Variants in CRBN observed in about 807,000 individuals in gnomAD.
The protein encoded by CRBN is protein cereblon.
Under a neutral mutation model 62.2 loss-of-function variants are expected in CRBN, and 53 were observed. The ratio of observed to expected loss-of-function variants is 0.85; its 90% confidence interval spans 0.68 to 1.07. CRBN has a LOEUF of 1.07. CRBN is among the 50% of genes least tolerant of loss of function. CRBN has a pLI of 0.00. For missense variants in CRBN, 616 were observed against 531.1 expected, an observed-to-expected ratio of 1.16 and a Z score of -1.57; for synonymous variants, 208 against 176.1, an observed-to-expected ratio of 1.18 and a Z score of -1.43.
intron 3 of CRBN, 90 bp downstream of exon 3, chr3:3,173,969 C>T (rs928391562): frequency 8.8e-6 from 10 of 1,137,364 alleles, no homozygotes; most frequent in African/African-American, 4.6e-5. Flanking sequence ...CCTGTACATG[C>T]GAAATAACAG....
At chr3:3,153,024 CTG>C (rs1322563490) in intron 9 of CRBN, 24 of 300,984 alleles carry the variant, frequency 8.0e-5, no homozygotes, top group African/African-American at 4.8e-4. Flanking sequence ...TTTTCAAACA[CTG>C]TTATATCAGA....
intron 8 of CRBN, 126 bp from the exon 9 acceptor site, chr3:3,153,614 C>G (rs1206025756): frequency 1.3e-4 from 91 of 705,572 alleles, no homozygotes; most frequent in Non-Finnish European, 1.0e-4. Context: ...CATTTTCCTT[C>G]CAAGCATTCA....
intron 1 of CRBN, among the ~76,000 whole-genome samples, chr3:3,176,990 G>C (rs964342804): frequency 1.3e-5 from 2 of 152,142 alleles, no homozygotes; most frequent in African/African-American, 4.8e-5. Flanking sequence ...TCAACCACAG[G>C]TGATTTTGCC....
rs1707267099 is a variant in CRBN at position 3,164,838 on chromosome 3, TAA to T, written c.687+2794_687+2795del. Among the ~76,000 whole-genome samples the T allele has an allele frequency of 2.0e-5, 3 of 152,316 alleles. No individual in the cohort carries two copies. In the South Asian group the frequency reaches 6.2e-4, roughly 32 times the overall value. ...ATTTAAACTTTCAAATCTTATTATTTAAGAAATACATTTTTCATAGGCTATAG... is the reference window on the plus strand; with the variant it reads ...ATTTAAACTTTCAAATCTTATTATTTGAAATACATTTTTCATAGGCTATAG... On this transcript the variant is annotated intron_variant, in intron 5 of 10. Transcript: ENST00000231948.
At position 3,156,269 on chromosome 3, in the gene CRBN, A is replaced by G; in HGVS notation, c.700T>C (p.Cys234Arg). 1 of 1,614,058 alleles carries G rather than the reference A, an allele frequency of 6.2e-7. No individual in the cohort carries two copies. The change falls in exon 6 of 11, where the codon TGT becomes CGT. Residue 234 changes from cysteine (C) to arginine (R), a missense_variant. Transcript: ENST00000231948. ...CGAGGCCATGAAGTTAGATTTGCAC[A>G]ATGAAACTTTCTCTGAAAACAAAAC... ...WQKYQKRKFH[C>R]ANLTSWPRWL... is the part of the protein sequence containing the mutation.
chr3:3,179,187 T>A (rs915811493), intron 1 of CRBN, among the ~76,000 whole-genome samples: 2 of 152,286 alleles, frequency 1.3e-5, no homozygotes, highest in South Asian at 2.1e-4. Context: ...AAAGGCGACA[T>A]GCATGCAAAG....
chr3:3,166,994 T>G (rs1707376915), intron 5 of CRBN, among the ~76,000 whole-genome samples: 1 of 152,056 alleles, frequency 6.6e-6, no homozygotes, highest in Non-Finnish European at 1.5e-5. Context: ...AATCTTTTTC[T>G]TTAGGTAGCA....
chr3:3,151,082 T>C, intron 10 of CRBN, 37 bp from the exon 11 acceptor site: 2 of 1,605,194 alleles, frequency 1.2e-6, no homozygotes, highest in Non-Finnish European at 1.7e-6. Context: ...TAAGGAAACA[T>C]TTCTGTACTC....
intron 1 of CRBN, among the ~76,000 whole-genome samples, chr3:3,176,127 G>A (rs1024281169): frequency 6.6e-6 from 1 of 152,148 alleles, no homozygotes; most frequent in Non-Finnish European, 1.5e-5. Context: ...CCCTTGAAGA[G>A]GAAATGTAAG....
chr3:3,165,660 A>G (rs1432027535), intron 5 of CRBN, among the ~76,000 whole-genome samples: 1 of 152,218 alleles, frequency 6.6e-6, no homozygotes, highest in African/African-American at 2.4e-5. Flanking sequence ...GTGTGAATAA[A>G]ACTTTTATAT....
rs77659952 is a variant in CRBN at position 3,153,229 on chromosome 3, T to A, written c.1016+195A>T. On this transcript the variant is annotated intron_variant, in intron 9 of 10. Transcript: ENST00000231948. ...TACCATGCTCATTACCTGTGAATAATCCCTGACATGCATTGTTGCTCTGAG... is the reference window on the plus strand; with the variant it reads ...TACCATGCTCATTACCTGTGAATAAACCCTGACATGCATTGTTGCTCTGAG... 1,029 of 542,686 alleles carry A rather than the reference T, an allele frequency of 1.9e-3. 20 individuals are homozygous for A. In the East Asian group the frequency reaches 0.031, roughly 16 times the overall value. The allele number at this position is 542,686 out of a possible 1,614,324, so 33.6% of individuals were successfully genotyped here.
intron 4 of CRBN, chr3:3,172,496 T>G (rs995466817): frequency 2.3e-6 from 1 of 442,806 alleles, no homozygotes; most frequent in Non-Finnish European, 4.1e-6. Flanking sequence ...TGGAGAGACA[T>G]TAGAATCACC....
rs541566589 is a variant in CRBN at position 3,155,772 on chromosome 3, T to G, written c.750+447A>C. The stretch of plus-strand genomic sequence containing the variant: ...AACTATCACCCAACCCAACAAAATT[T>G]CACATGCTTAATAAAACTCTAAAGA... On this transcript the variant is annotated intron_variant, in intron 6 of 10. Transcript: ENST00000231948. The G allele has an allele frequency of 3.1e-5, 5 of 159,494 alleles. No homozygotes were observed. In the South Asian group the frequency reaches 8.8e-4, roughly 28 times the overall value. 9.9% of individuals were successfully genotyped at this position (159,494 alleles called of 1,614,324 possible). A position where few individuals can be genotyped will look rare whatever the true frequency, so the allele number is the denominator to read the frequency against.
intron 1 of CRBN, among the ~76,000 whole-genome samples, chr3:3,177,267 T>C (rs1010517601): frequency 1.3e-5 from 2 of 152,230 alleles, no homozygotes; most frequent in Non-Finnish European, 2.9e-5. Context: ...TACGAAATAA[T>C]CATTTGTTTT....
intron 5 of CRBN, among the ~76,000 whole-genome samples, chr3:3,163,748 G>C (rs698204): frequency 0.48 from 72,901 of 151,866 alleles, 19,397 homozygotes; most frequent in Middle Eastern, 0.66. Flanking sequence ...ATCTTGGTGC[G>C]GAAGAACTAT....
At position 3,150,847 on chromosome 3, in the gene CRBN, T is replaced by TTATCTC. The variant is rs1706484597; in HGVS notation, c.*17_*18insGAGATA. ...ATATAACCAATTTGTTAGATAACTT[T>TTATCTC]ATCTCTATCACATCTGTTTACAAGC... is the stretch of plus-strand genomic sequence containing the variant. On this transcript the variant is annotated 3_prime_UTR_variant, in exon 11 of 11. Transcript: ENST00000231948. The TTATCTC allele has an allele frequency of 7.0e-7, 1 of 1,428,066 alleles. No homozygotes were observed. Among genetic ancestry groups the TTATCTC allele is most frequent in the Non-Finnish European group, 9.7e-7 (1 of 1,028,842 alleles). The allele number at this position is 1,428,066 out of a possible 1,614,324, so 88.5% of individuals were successfully genotyped here.
At chr3:3,163,870 G>A (rs539363339) in intron 5 of CRBN, among the ~76,000 whole-genome samples, 23 of 152,288 alleles carry the variant, frequency 1.5e-4, no homozygotes, top group Middle Eastern at 6.8e-3. Context: ...TTTCAAGCAA[G>A]TCTATCAAGC....
chr3:3,179,234 G>A (rs1707962626), intron 1 of CRBN, among the ~76,000 whole-genome samples: 1 of 152,186 alleles, frequency 6.6e-6, no homozygotes, highest in Non-Finnish European at 1.5e-5. Flanking sequence ...TAAGTGCTTA[G>A]TACATGTTAG....
chr3:3,176,620 C>T (rs143628319), intron 1 of CRBN, among the ~76,000 whole-genome samples: 12 of 152,284 alleles, frequency 7.9e-5, no homozygotes, highest in African/African-American at 2.9e-4. Flanking sequence ...CCTGTAATCC[C>T]AGCTACTGGG....
Sources: gnomAD v4.1 joint callset for allele counts (sites outside exome capture counted in the v4.1 genomes callset) on GRCh38, gnomAD v4.1.1 for gene constraint, MANE v1.5 for transcripts, NCBI Gene and HGNC (gene_info 2026-07-23, HGNC 2026-07-21) for gene names.